The following BRINP3 variants were observed in gnomAD, a reference collection of about 807,000 sequenced individuals.
BRINP3 encodes the protein BMP/retinoic acid inducible neural specific 3.
Under a neutral mutation model 71.0 loss-of-function variants are expected in BRINP3, and 19 were observed. The observed-to-expected ratio is 0.27, with a 90% CI of 0.19 to 0.39. The LOEUF is 0.39. Among genes scored for constraint, BRINP3 ranks in the 10% least tolerant of loss-of-function variants. The pLI, the probability that BRINP3 is intolerant of heterozygous loss-of-function variation, is 1.00. For missense variants in BRINP3, 959 were observed against 940.8 expected (o/e 1.02, Z -0.25); for synonymous variants, 380 against 337.7 (o/e 1.13, Z -1.37).
rs993263428 is a variant in BRINP3 at position 190,414,399 on chromosome 1, C to T, written c.236+40256G>A. Among the ~76,000 whole-genome samples, 10 of 151,984 alleles carry T rather than the reference C, an allele frequency of 6.6e-5. 1 individual carries two copies. The South Asian group carries it at 2.1e-3, about 32-fold the overall frequency. On this transcript the variant is annotated intron_variant, in intron 2 of 7. Transcript: ENST00000367462. ...TGCCTGCTAATGTAAGAGATCCAAG[C>T]TTAGTGACTTCCATATGTTATAGGT...
At chr1:190,263,185 T>C (rs1050821784) in intron 4 of BRINP3, among the ~76,000 whole-genome samples, 1 of 152,206 alleles carries the variant, frequency 6.6e-6, no homozygotes, top group Non-Finnish European at 1.5e-5. Flanking sequence ...AATTGATTTC[T>C]GGAAAAGTTT....
chr1:190,396,740 G>T (rs868564211), intron 2 of BRINP3, among the ~76,000 whole-genome samples: 1 of 51,540 alleles, frequency 1.9e-5, no homozygotes, highest in African/African-American at 7.7e-5. Context: ...ATATATATAT[G>T]TAACTAACAG....
chr1:190,312,382 A>G (rs1665595152), intron 2 of BRINP3, among the ~76,000 whole-genome samples: 1 of 151,536 alleles, frequency 6.6e-6, no homozygotes, highest in South Asian at 2.1e-4. Flanking sequence ...CTAACAATAT[A>G]TTTATGATCT....
intron 2 of BRINP3, among the ~76,000 whole-genome samples, chr1:190,375,534 T>G (rs1300175912): frequency 2.6e-5 from 4 of 151,926 alleles, no homozygotes; most frequent in African/African-American, 7.2e-5. Flanking sequence ...ATAAAAAGCC[T>G]AGCATATCTA....
chr1:190,236,191 T>C (rs1332103197), intron 4 of BRINP3, among the ~76,000 whole-genome samples: 1 of 151,982 alleles, frequency 6.6e-6, no homozygotes, highest in East Asian at 1.9e-4. Context: ...GACAACATTA[T>C]GAAACACTGC....
chr1:190,106,372 C>A (rs910169744), intron 7 of BRINP3, among the ~76,000 whole-genome samples: 1 of 151,566 alleles, frequency 6.6e-6, no homozygotes, highest in Non-Finnish European at 1.5e-5. Flanking sequence ...TAAATCTTTG[C>A]ATTGCAACCT....
intron 2 of BRINP3, among the ~76,000 whole-genome samples, chr1:190,377,015 G>C (rs1670227799): frequency 6.6e-6 from 1 of 151,924 alleles, no homozygotes; most frequent in African/African-American, 2.4e-5. Context: ...GGTACTGAAT[G>C]CATGAAAAGT....
At chr1:190,157,274 G>C (rs74128857) in intron 7 of BRINP3, among the ~76,000 whole-genome samples, 1 of 152,012 alleles carries the variant, frequency 6.6e-6, no homozygotes, top group Admixed American at 6.6e-5. Context: ...TGAGGAACTT[G>C]GTGATGGAAA....
intron 2 of BRINP3, among the ~76,000 whole-genome samples, chr1:190,321,854 T>C (rs1194338668): frequency 6.6e-6 from 1 of 152,076 alleles, no homozygotes; most frequent in Non-Finnish European, 1.5e-5. Context: ...GAAAAATGGT[T>C]GCTCAACATA....
chr1:190,208,644 A>ACCACCAT lies in BRINP3; in HGVS notation c.961+17431_961+17437dup, dbSNP rs112590508. Among the ~76,000 whole-genome samples, 482 of 151,952 alleles carry ACCACCAT rather than the reference A, an allele frequency of 3.2e-3. 4 individuals are homozygous for ACCACCAT. The highest frequency in any genetic ancestry group is 0.011 in the African/African-American group (455 of 41,472). On this transcript the variant is annotated intron_variant, in intron 6 of 7. Coordinates refer to ENST00000367462, the MANE Select transcript of BRINP3 (RefSeq NM_199051.3). ...CTAGAAGCTGTTACTACAGGCACAC[A>ACCACCAT]CCACCATGCCCAGCTAATTTTTGTA...
At chr1:190,159,161 C>G (rs1657126481) in intron 7 of BRINP3, among the ~76,000 whole-genome samples, 1 of 151,924 alleles carries the variant, frequency 6.6e-6, no homozygotes, top group Admixed American at 6.6e-5. Flanking sequence ...TAAATCAAAA[C>G]CAAAAGATAT....
intron 6 of BRINP3, among the ~76,000 whole-genome samples, chr1:190,190,327 A>G (rs904889404): frequency 6.6e-5 from 10 of 152,162 alleles, no homozygotes; most frequent in Middle Eastern, 3.4e-3. Context: ...TTCACACAGG[A>G]CTGCTTGGTT....
At chr1:190,131,967 C>T (rs1033328394) in intron 7 of BRINP3, among the ~76,000 whole-genome samples, 3 of 152,060 alleles carry the variant, frequency 2.0e-5, no homozygotes, top group East Asian at 3.9e-4. Flanking sequence ...AAATGTGCAG[C>T]GAAGTTTTAA....
chr1:190,424,117 A>G (rs1294394128), intron 2 of BRINP3, among the ~76,000 whole-genome samples: 3 of 151,668 alleles, frequency 2.0e-5, no homozygotes, highest in African/African-American at 7.3e-5. Flanking sequence ...AAATATCTAT[A>G]TTTTTGAATA....
chr1:190,329,500 A>G (rs1207108546), intron 2 of BRINP3, among the ~76,000 whole-genome samples: 2 of 151,728 alleles, frequency 1.3e-5, no homozygotes, highest in Non-Finnish European at 1.5e-5. Flanking sequence ...ACCTCTACAC[A>G]GCTACAAAAT....
At chr1:190,120,526 C>T (rs1409708229) in intron 7 of BRINP3, among the ~76,000 whole-genome samples, 1 of 151,724 alleles carries the variant, frequency 6.6e-6, no homozygotes, top group Non-Finnish European at 1.5e-5. Context: ...GATTGTGTCT[C>T]ACTCTGTTGC....
intron 7 of BRINP3, 87 bp downstream of exon 7, chr1:190,160,581 T>C (rs1657263944): frequency 1.9e-6 from 2 of 1,050,656 alleles, no homozygotes; most frequent in Non-Finnish European, 2.8e-6. Context: ...ATGATTTGTA[T>C]ATTAACACAC....
chr1:190,211,675 CAG>C (rs1656000951), intron 6 of BRINP3, among the ~76,000 whole-genome samples: 2 of 152,042 alleles, frequency 1.3e-5, no homozygotes, highest in Admixed American at 6.6e-5. Context: ...CTGATCTAAA[CAG>C]AGAAAAAACA....
At chr1:190,181,728 T>C (rs1041710390) in intron 6 of BRINP3, among the ~76,000 whole-genome samples, 9 of 152,032 alleles carry the variant, frequency 5.9e-5, no homozygotes, top group Admixed American at 5.9e-4. Flanking sequence ...TCTACATGTA[T>C]TGAGGATCAT....
Sources: allele counts gnomAD v4.1 joint callset (sites outside exome capture counted in the v4.1 genomes callset), GRCh38; gene constraint gnomAD v4.1.1; transcripts MANE v1.5; gene names NCBI Gene and HGNC (gene_info 2026-07-23, HGNC 2026-07-21).